FRMD5: variants seen among roughly 807,000 people sequenced by gnomAD.
FRMD5 encodes FERM domain containing 5.
Under a neutral mutation model 69.0 loss-of-function variants are expected in FRMD5, and 20 were observed. The observed-to-expected ratio is 0.29, with a 90% CI of 0.20 to 0.42. The LOEUF (loss-of-function observed/expected upper bound fraction) is 0.42, where lower values mean the gene tolerates loss of function less well. Among genes scored for constraint, FRMD5 ranks in the 10% least tolerant of loss-of-function variants. FRMD5 has a pLI of 1.00. For synonymous variants in FRMD5, 271 were observed against 260.1 expected (o/e 1.04, Z -0.40); for missense variants, 595 against 708.6 (o/e 0.84, Z 1.82).
intron 5 of FRMD5, 148 bp from the exon 6 acceptor site, chr15:43,906,099 G>A: frequency 2.0e-6 from 2 of 1,004,942 alleles, no homozygotes; most frequent in Admixed American, 2.4e-5. Context: ...TGTGGGCTGG[G>A]CAGAGGGCAG....
At chr15:44,198,546 C>T (rs2078324600), upstream of FRMD5, among the ~76,000 whole-genome samples, 1 of 151,966 alleles carries the variant, frequency 6.6e-6, no homozygotes. Context: ...CACAAAAAAG[C>T]TCATGAGAAG....
chr15:44,004,126 T>C (rs1890332573), intron 1 of FRMD5, among the ~76,000 whole-genome samples: 1 of 152,244 alleles, frequency 6.6e-6, no homozygotes. Flanking sequence ...AGCTCTCATA[T>C]TTATTTTTCA....
At chr15:43,903,667 G>A (rs1361352206) in intron 6 of FRMD5, among the ~76,000 whole-genome samples, 1 of 152,210 alleles carries the variant, frequency 6.6e-6, no homozygotes, top group Admixed American at 6.5e-5. Context: ...CAAGCAAAGG[G>A]CTGGCTAGAG....
chr15:44,035,792 T>C (rs986213632), intron 1 of FRMD5, among the ~76,000 whole-genome samples: 1 of 152,202 alleles, frequency 6.6e-6, no homozygotes, highest in South Asian at 2.1e-4. Flanking sequence ...CTATGTTTTA[T>C]ATTTTATGTT....
At chr15:44,187,200 T>G (rs1345051409) in intron 1 of FRMD5, among the ~76,000 whole-genome samples, 1 of 152,250 alleles carries the variant, frequency 6.6e-6, no homozygotes, top group African/African-American at 2.4e-5. Flanking sequence ...ATGTAGTTAC[T>G]GCAGCCACAG....
At chr15:44,173,303 T>A (rs1306218294) in intron 1 of FRMD5, among the ~76,000 whole-genome samples, 4 of 152,092 alleles carry the variant, frequency 2.6e-5, no homozygotes, top group Non-Finnish European at 2.9e-5. Flanking sequence ...GCTAAATATA[T>A]GTAGAAAATA....
chr15:44,169,501 G>A (rs1175217703), intron 1 of FRMD5, among the ~76,000 whole-genome samples: 1 of 152,206 alleles, frequency 6.6e-6, no homozygotes, highest in African/African-American at 2.4e-5. Flanking sequence ...AAAGGAGAGA[G>A]AACAGGCAGA....
intron 2 of FRMD5, among the ~76,000 whole-genome samples, chr15:43,922,604 C>T (rs977302096): frequency 4.6e-5 from 7 of 151,958 alleles, no homozygotes; most frequent in African/African-American, 7.3e-5. Context: ...GGATACAATT[C>T]GCCTTTTTTT....
intron 1 of FRMD5, among the ~76,000 whole-genome samples, chr15:44,007,637 A>ATTTTTTTTTTT (rs35512441): frequency 2.2e-4 from 18 of 81,140 alleles, no homozygotes; most frequent in South Asian, 4.9e-4. Flanking sequence ...TAATTAACTA[A>ATTTTTTTTTTT]TTTTTTTTTT....
chr15:44,035,128 A>T (rs772134859), intron 1 of FRMD5, among the ~76,000 whole-genome samples: 33 of 152,074 alleles, frequency 2.2e-4, no homozygotes, highest in Admixed American at 7.2e-4. Context: ...TTCAGTCCAA[A>T]CCCCAAAGAG....
chr15:44,076,534 T>C (rs1167872223), intron 1 of FRMD5, among the ~76,000 whole-genome samples: 1 of 149,664 alleles, frequency 6.7e-6, no homozygotes, highest in Admixed American at 6.7e-5. Context: ...CAAAAAACCA[T>C]ATACTGCATA....
intron 1 of FRMD5, among the ~76,000 whole-genome samples, chr15:44,146,630 T>C (rs895660523): frequency 5.3e-5 from 8 of 152,242 alleles, no homozygotes; most frequent in Non-Finnish European, 1.2e-4. Context: ...AAAGCATTCC[T>C]ATTTCTCCAT....
In FRMD5 at chr15:43,895,925, A is replaced by C. The variant is rs373299931; in HGVS notation, c.640-3856T>G. Among the ~76,000 whole-genome samples, 6 of 152,326 alleles carry C rather than the reference A, an allele frequency of 3.9e-5. No individual in the cohort carries two copies. The East Asian group carries it at 5.8e-4, about 15-fold the overall frequency. ...ATTCTTGTTGTGAGCCTGCCGTTGG[A>C]GTTTGTGTGCAAAATAACAAGTTGC... On this transcript the variant is annotated intron_variant, in intron 7 of 13. Transcript: ENST00000417257.
At chr15:43,949,998 C>G (rs1193509429) in intron 1 of FRMD5, among the ~76,000 whole-genome samples, 2 of 152,204 alleles carry the variant, frequency 1.3e-5, no homozygotes, top group African/African-American at 4.8e-5. Flanking sequence ...CTGGAACTTG[C>G]ATTGGTCATC....
At chr15:44,077,689 G>T (rs548466597) in intron 1 of FRMD5, among the ~76,000 whole-genome samples, 1 of 151,974 alleles carries the variant, frequency 6.6e-6, no homozygotes, top group Non-Finnish European at 1.5e-5. Context: ...GGGAGGAAAC[G>T]AAGTGACTGG....
chr15:44,026,511 T>C (rs1891435832), intron 1 of FRMD5, among the ~76,000 whole-genome samples: 2 of 152,204 alleles, frequency 1.3e-5, no homozygotes, highest in South Asian at 4.1e-4. Flanking sequence ...TGGCCCTACA[T>C]TGTTGCTTTT....
intron 11 of FRMD5, 73 bp from the exon 12 acceptor site, chr15:43,884,868 T>C (rs899208063): frequency 1.5e-6 from 2 of 1,311,716 alleles, no homozygotes; most frequent in Non-Finnish European, 2.2e-6. Flanking sequence ...TCCAAGATCT[T>C]AGGTGCTTTC....
intron 1 of FRMD5, among the ~76,000 whole-genome samples, chr15:43,999,549 A>G (rs1026203918): frequency 6.6e-6 from 1 of 152,068 alleles, no homozygotes; most frequent in Non-Finnish European, 1.5e-5. Context: ...CAATTTACTT[A>G]TGACTGCAAG....
At chr15:43,974,754 C>A (rs1262865738) in intron 1 of FRMD5, among the ~76,000 whole-genome samples, 1 of 152,226 alleles carries the variant, frequency 6.6e-6, no homozygotes, top group East Asian at 1.9e-4. Context: ...AGCTCTCTGA[C>A]TTAGACATCA....
Sources: gnomAD v4.1 joint callset for allele counts (sites outside exome capture counted in the v4.1 genomes callset) on GRCh38, gnomAD v4.1.1 for gene constraint, MANE v1.5 for transcripts, NCBI Gene and HGNC (gene_info 2026-07-23, HGNC 2026-07-21) for gene names.